The following INSR variants were observed in gnomAD, a reference collection of about 807,000 sequenced individuals.
INSR encodes insulin receptor.
A neutral mutation model predicts 142.6 loss-of-function variants in INSR; 67 were observed. That is an observed-to-expected ratio of 0.47 (90% CI 0.39 to 0.58). The LOEUF is 0.58. INSR is among the 20% of genes least tolerant of loss of function. The pLI, the probability that INSR is intolerant of heterozygous loss-of-function variation, is 0.00. For synonymous variants in INSR, 756 were observed against 743.1 expected (o/e 1.02, Z -0.28); for missense variants, 1,248 against 1,833.2 (o/e 0.68, Z 5.83).
chr19:7,291,450 G>T (rs1968493301), intron 1 of INSR, among the ~76,000 whole-genome samples: 1 of 152,222 alleles, frequency 6.6e-6, no homozygotes, highest in African/African-American at 2.4e-5. Context: ...TCTTAGGAAG[G>T]TATTATGCAG....
At chr19:7,221,402 G>GA (rs1975609456) in intron 2 of INSR, among the ~76,000 whole-genome samples, 1 of 143,514 alleles carries the variant, frequency 7.0e-6, no homozygotes, top group Non-Finnish European at 1.5e-5. Context: ...GGAGGAGGAG[G>GA]AGGAAAGAAG....
chr19:7,187,944 G>A (rs1974473498), intron 2 of INSR, among the ~76,000 whole-genome samples: 1 of 152,060 alleles, frequency 6.6e-6, no homozygotes, highest in Non-Finnish European at 1.5e-5. Flanking sequence ...CAGAATAAAA[G>A]CCAACTCCCT....
Position 7,267,605 on chromosome 19 carries a change from A to C in INSR, c.392T>G (p.Leu131Arg). 6.2e-7 allele frequency: 1 copy of C among 1,614,088 alleles called. No individual in the cohort carries two copies. Among genetic ancestry groups the C allele is most frequent in the Non-Finnish European group, 8.5e-7 (1 of 1,180,012 alleles). Residue 131 changes from leucine to arginine, a missense_variant, in exon 2 of 22, where the codon CTC (leucine) becomes CGC (arginine). Transcript: ENST00000302850. The surrounding 1 kb of genome is among the most constrained non-coding windows in gnomAD (Gnocchi z 6.3). The stretch of plus-strand genomic sequence containing the variant: ...GATGTTCATCAGGTTGTAGAGGCCG[A>C]GTTCCTTGAGGTGAACCATCTCGAA... ...VIFEMVHLKE[L>R]GLYNLMNITR...
chr19:7,229,949 T>TG (rs903991447), intron 2 of INSR, among the ~76,000 whole-genome samples: 3 of 151,930 alleles, frequency 2.0e-5, no homozygotes, highest in African/African-American at 7.3e-5. Context: ...TTTTTCTTTT[T>TG]TTTGTTTGTT....
intron 2 of INSR, among the ~76,000 whole-genome samples, chr19:7,243,471 C>T (rs1390815796): frequency 1.3e-5 from 2 of 151,900 alleles, no homozygotes; most frequent in East Asian, 3.9e-4. Flanking sequence ...GTCTCGAACC[C>T]CTGACCTCCA....
chr19:7,253,262 AG>A (rs1200046730), intron 2 of INSR, among the ~76,000 whole-genome samples: 1 of 151,580 alleles, frequency 6.6e-6, no homozygotes, highest in Non-Finnish European at 1.5e-5. Flanking sequence ...ATTTGATACG[AG>A]GTTTTGCTTT....
Position 7,128,851 on chromosome 19 carries a change from C to T in INSR, c.2945+1G>A, listed in dbSNP as rs185685225. 6.2e-7 allele frequency: 1 copy of T among 1,605,750 alleles called. No individual in the cohort carries two copies. The highest frequency in any genetic ancestry group is 1.3e-5 in the African/African-American group (1 of 74,896). On this transcript the variant is annotated splice_donor_variant, in intron 15 of 21. Transcript: ENST00000302850. LOFTEE classifies it high-confidence loss of function. ...CACACCACTGAACTCACTGAACTCACCTCTTTCTCAGGAATAGATAAATAC... is the reference window on the plus strand; with the variant it reads ...CACACCACTGAACTCACTGAACTCATCTCTTTCTCAGGAATAGATAAATAC...
At chr19:7,245,372 T>A (rs1329371736) in intron 2 of INSR, among the ~76,000 whole-genome samples, 1 of 152,138 alleles carries the variant, frequency 6.6e-6, no homozygotes, top group Non-Finnish European at 1.5e-5. Flanking sequence ...AGGCATGAGC[T>A]TGTAGTCCCA....
intron 2 of INSR, among the ~76,000 whole-genome samples, chr19:7,220,446 G>A (rs1386764527): frequency 1.3e-5 from 2 of 152,068 alleles, no homozygotes; most frequent in African/African-American, 4.8e-5. Context: ...GCGCCACCAC[G>A]CCTGGCTAAT....
At chr19:7,141,004 GC>G (rs1973057998) in intron 13 of INSR, among the ~76,000 whole-genome samples, 2 of 152,108 alleles carry the variant, frequency 1.3e-5, no homozygotes, top group South Asian at 4.1e-4. Flanking sequence ...ATGGTGTCTG[GC>G]TCAATGGAAG....
intron 2 of INSR, among the ~76,000 whole-genome samples, chr19:7,185,139 A>C (rs1174951043): frequency 6.6e-6 from 1 of 152,204 alleles, no homozygotes; most frequent in East Asian, 1.9e-4. Context: ...GGAGGTGGTG[A>C]GTTTTGAGTA....
At chr19:7,201,093 G>A (rs970514793) in intron 2 of INSR, among the ~76,000 whole-genome samples, 3 of 151,980 alleles carry the variant, frequency 2.0e-5, no homozygotes, top group Non-Finnish European at 4.4e-5. Context: ...ACAAGTTGTT[G>A]AGTTTCAACC....
chr19:7,265,352 C>T (rs1246315209), intron 2 of INSR, among the ~76,000 whole-genome samples: 2 of 152,074 alleles, frequency 1.3e-5, no homozygotes, highest in Non-Finnish European at 2.9e-5. Flanking sequence ...GTCTGAGGCC[C>T]CCAGTTAGCT....
rs921848717 is a variant in INSR at position 7,143,051 on chromosome 19, A to G, written c.2307T>C (p.Asn769=). Residue 769 remains asparagine (N), a synonymous_variant, in exon 12 of 22, where the codon AAT becomes AAC. Transcript: ENST00000302850. ...CCACCGTGGGCACGGCCACCGTCAC[A>G]TTCCCAACATCGCCAAGGGACCTGC... ...RKRRSLGDVG[N]VTVAVPTVAA... The G allele has an allele frequency of 1.9e-6, 3 of 1,614,132 alleles. No individual in the cohort carries two copies. The highest frequency in any genetic ancestry group is 2.7e-5 in the African/African-American group (2 of 74,944).
At position 7,113,563 on chromosome 19, in the gene INSR, CTACAT is replaced by C. The variant is rs1972253818; in HGVS notation, c.*3488_*3492del. On this transcript the variant is annotated 3_prime_UTR_variant, in exon 22 of 22. Transcript: ENST00000302850. Reference sequence around the variant, plus strand: ...AGAAGGAACTCCTGTGTGGCTTTCACTACATTAATGAAAAGGGTTTTAATCATAGT... The same window carrying C: ...AGAAGGAACTCCTGTGTGGCTTTCACTAATGAAAAGGGTTTTAATCATAGT... 1 of 152,130 alleles carries C rather than the reference CTACAT, an allele frequency of 6.6e-6. No individual in the cohort carries two copies. The highest frequency in any genetic ancestry group is 6.6e-5 in the Admixed American group (1 of 15,260). 9.4% of individuals were successfully genotyped at this position (152,130 alleles called of 1,614,324 possible).
intron 2 of INSR, among the ~76,000 whole-genome samples, chr19:7,199,433 T>C (rs2145040053): frequency 6.6e-6 from 1 of 151,810 alleles, no homozygotes; most frequent in East Asian, 2.0e-4. Flanking sequence ...GGTCTTACTC[T>C]GTGGCCCAGG....
intron 3 of INSR, 88 bp downstream of exon 3, chr19:7,184,226 TGC>T: frequency 3.4e-6 from 4 of 1,168,026 alleles, no homozygotes; most frequent in South Asian, 1.3e-5. Flanking sequence ...ACCCTGGGTT[TGC>T]ACACAGTTTT....
rs772104946 is a variant in INSR, at chr19:7,159,581, G to A, written c.2029+3451C>T. On this transcript the variant is annotated intron_variant, in intron 9 of 21. Transcript: ENST00000302850. This position sits in a 1 kb window ranked among gnomAD's most constrained non-coding sequence, Gnocchi z 4.3. ...TGACATTACTGGTGGCAGCTCTCAC[G>A]GGTGGTTCTGGTTACTTGAATGCAG... is the stretch of plus-strand genomic sequence containing the variant. 15 of 151,666 alleles carry A rather than the reference G, an allele frequency of 9.9e-5. No individual in the cohort carries two copies. The highest frequency in any genetic ancestry group is 2.2e-4 in the African/African-American group (9 of 41,212). 9.4% of individuals were successfully genotyped at this position (151,666 alleles called of 1,614,324 possible). A position where few individuals can be genotyped will look rare whatever the true frequency, so the allele number is the denominator to read the frequency against.
intron 3 of INSR, among the ~76,000 whole-genome samples, chr19:7,175,307 A>G (rs1339813961): frequency 6.6e-6 from 1 of 152,050 alleles, no homozygotes; most frequent in Non-Finnish European, 1.5e-5. Context: ...TGAGCCTGGG[A>G]GTTCAAGATC....
Sources: gnomAD v4.1 joint callset for allele counts (sites outside exome capture counted in the v4.1 genomes callset) on GRCh38, gnomAD v4.1.1 for gene constraint, Gnocchi (gnomAD v3.1) non-coding constraint, MANE v1.5 for transcripts, NCBI Gene and HGNC (gene_info 2026-07-23, HGNC 2026-07-21) for gene names.